BBOX1: variants seen among roughly 807,000 people sequenced by gnomAD.
BBOX1 encodes the protein gamma-butyrobetaine hydroxylase 1.
A neutral mutation model predicts 41.6 loss-of-function variants in BBOX1; 35 were observed. That is an observed-to-expected ratio of 0.84 (90% CI 0.64 to 1.11). The LOEUF (loss-of-function observed/expected upper bound fraction) is 1.11, where lower values mean the gene tolerates loss of function less well. Ranked by LOEUF, BBOX1 falls within the 50% of genes most tolerant of loss-of-function variation. The pLI is 0.00. For missense variants in BBOX1, 458 were observed against 460.6 expected, an observed-to-expected ratio of 0.99 and a Z score of 0.05; for synonymous variants, 163 against 154.7, an observed-to-expected ratio of 1.05 and a Z score of -0.40.
intron 5 of BBOX1, among the ~76,000 whole-genome samples, chr11:27,098,036 C>T (rs1858506580): frequency 6.6e-6 from 1 of 151,982 alleles, no homozygotes; most frequent in Admixed American, 6.6e-5. Context: ...AGGACCGCTT[C>T]TTTCTCTTCC....
At chr11:27,087,782 A>G (rs73432107) in intron 4 of BBOX1, among the ~76,000 whole-genome samples, 1,903 of 152,190 alleles carry the variant, frequency 0.013, 46 homozygotes, top group African/African-American at 0.043. Flanking sequence ...CTAATGGGCT[A>G]TGGCCCTTAG....
At chr11:27,043,605 C>T (rs145890772) in intron 2 of BBOX1, among the ~76,000 whole-genome samples, 193 of 152,256 alleles carry the variant, frequency 1.3e-3, no homozygotes, top group African/African-American at 4.1e-3. Context: ...CCCCCTACCC[C>T]GCCACAGGCC....
At chr11:27,124,182 G>A (rs1859563000) in intron 7 of BBOX1, among the ~76,000 whole-genome samples, 1 of 152,132 alleles carries the variant, frequency 6.6e-6, no homozygotes, top group African/African-American at 2.4e-5. Context: ...CCAGGTGTAT[G>A]TGTGTTTGGT....
At chr11:27,104,220 G>A (rs932530552) in intron 5 of BBOX1, among the ~76,000 whole-genome samples, 5 of 152,010 alleles carry the variant, frequency 3.3e-5, no homozygotes, top group African/African-American at 4.8e-5. Flanking sequence ...AAGTTTAACC[G>A]CCATTCTCAC....
At chr11:27,123,520 C>T (rs977833574) in intron 7 of BBOX1, among the ~76,000 whole-genome samples, 4 of 151,598 alleles carry the variant, frequency 2.6e-5, no homozygotes, top group Admixed American at 6.6e-5. Context: ...GCGGATGACA[C>T]AGAGGATAAT....
chr11:27,087,363 A>G (rs1590201361), intron 4 of BBOX1, among the ~76,000 whole-genome samples: 1 of 152,210 alleles, frequency 6.6e-6, no homozygotes, highest in East Asian at 1.9e-4. Flanking sequence ...GCAACCATCA[A>G]CTTTGAGGCA....
intron 4 of BBOX1, among the ~76,000 whole-genome samples, chr11:27,071,926 T>C (rs1412639463): frequency 1.3e-5 from 2 of 151,982 alleles, no homozygotes; most frequent in Non-Finnish European, 2.9e-5. Flanking sequence ...TATCTCAAAA[T>C]AATAAGAGCT....
chr11:27,106,461 T>C (rs1433774852), intron 5 of BBOX1, among the ~76,000 whole-genome samples: 1 of 152,148 alleles, frequency 6.6e-6, no homozygotes, highest in Non-Finnish European at 1.5e-5. Context: ...TAAAACAGAC[T>C]TTAAAACAGC....
At chr11:27,043,050 AT>A (rs1851381313) in intron 2 of BBOX1, among the ~76,000 whole-genome samples, 1 of 151,824 alleles carries the variant, frequency 6.6e-6, no homozygotes, top group Non-Finnish European at 1.5e-5. Flanking sequence ...TTAGCTACTA[AT>A]TTTTTATTTT....
At chr11:27,120,768 G>C (rs2134107394) in intron 7 of BBOX1, among the ~76,000 whole-genome samples, 1 of 152,008 alleles carries the variant, frequency 6.6e-6, no homozygotes, top group African/African-American at 2.4e-5. Context: ...TTTCTATTAA[G>C]AGAAACAGCC....
At chr11:27,101,254 A>G (rs1420628141) in intron 5 of BBOX1, among the ~76,000 whole-genome samples, 1 of 152,210 alleles carries the variant, frequency 6.6e-6, no homozygotes, top group Non-Finnish European at 1.5e-5. Context: ...CAAATTAAGT[A>G]GAATGACAGC....
intron 8 of BBOX1, 96 bp downstream of exon 8, chr11:27,125,916 G>A (rs1859634113): frequency 7.6e-7 from 1 of 1,319,938 alleles, no homozygotes; most frequent in South Asian, 1.5e-5. Flanking sequence ...CTCAGGTATG[G>A]CATGTAGAAC....
intron 5 of BBOX1, among the ~76,000 whole-genome samples, chr11:27,108,522 G>A (rs185660403): frequency 6.6e-6 from 1 of 152,142 alleles, no homozygotes; most frequent in African/African-American, 2.4e-5. Flanking sequence ...ACAATCGTCT[G>A]GATCCATATT....
intron 4 of BBOX1, among the ~76,000 whole-genome samples, chr11:27,086,501 G>A (rs1292606447): frequency 6.6e-6 from 1 of 152,116 alleles, no homozygotes; most frequent in Admixed American, 6.6e-5. Flanking sequence ...TTCAATAGCT[G>A]TTGAGACTCA....
intron 5 of BBOX1, among the ~76,000 whole-genome samples, chr11:27,114,287 G>A (rs574348601): frequency 3.3e-5 from 5 of 151,846 alleles, no homozygotes; most frequent in East Asian, 1.9e-4. Context: ...TCCTGTATTC[G>A]TGGATTGGAA....
intron 2 of BBOX1, among the ~76,000 whole-genome samples, chr11:27,054,237 G>T (rs11029810): frequency 2.3e-4 from 35 of 151,104 alleles, no homozygotes; most frequent in African/African-American, 8.3e-4. Context: ...GTGTGTGTGC[G>T]TGCACATGTG....
Position 27,125,736 on chromosome 11 carries a change from G to T in BBOX1, c.919G>T (p.Val307Phe). The T allele has an allele frequency of 6.2e-7, 1 of 1,613,582 alleles. No individual in the cohort carries two copies. The highest frequency in any genetic ancestry group is 8.5e-7 in the Non-Finnish European group (1 of 1,179,726). ...DTIFDVPVER[V>F]QPFYAALKEF... Reference sequence around the variant, plus strand: ...AATATTTGATGTGCCTGTTGAAAGAGTTCAGCCTTTTTATGCTGCTCTGAA... The same window carrying T: ...AATATTTGATGTGCCTGTTGAAAGATTTCAGCCTTTTTATGCTGCTCTGAA... Residue 307 changes from valine (V) to phenylalanine (F), a missense_variant, in exon 8 of 9, where the codon GTT (valine) becomes TTT (phenylalanine). Val to Phe is a conservative substitution (Grantham distance 50). Transcript: ENST00000263182.
At chr11:27,071,905 T>G (rs1342005288) in intron 4 of BBOX1, among the ~76,000 whole-genome samples, 2 of 152,144 alleles carry the variant, frequency 1.3e-5, no homozygotes, top group African/African-American at 4.8e-5. Flanking sequence ...AAATTAGGTA[T>G]TGATGGGACA....
intron 4 of BBOX1, among the ~76,000 whole-genome samples, chr11:27,083,182 A>G (rs1412799761): frequency 1.3e-5 from 2 of 152,126 alleles, no homozygotes; most frequent in Non-Finnish European, 2.9e-5. Context: ...GGTTGCTTTG[A>G]GCCTCTAGTC....
Sources: allele counts gnomAD v4.1 joint callset (sites outside exome capture counted in the v4.1 genomes callset), GRCh38; gene constraint gnomAD v4.1.1; transcripts MANE v1.5; gene names NCBI Gene and HGNC (gene_info 2026-07-23, HGNC 2026-07-21).